The following DCLK1 variants were observed in gnomAD, a reference collection of about 807,000 sequenced individuals.
DCLK1 encodes doublecortin like kinase 1.
In DCLK1, 16 loss-of-function variants were observed where a neutral mutation model predicts 86.2. That is an observed-to-expected ratio of 0.19 (90% CI 0.13 to 0.28). The LOEUF (loss-of-function observed/expected upper bound fraction) is 0.28, where lower values mean the gene tolerates loss of function less well. DCLK1 is among the 10% of genes least tolerant of loss of function. DCLK1 has a pLI of 1.00. For missense variants in DCLK1, 590 were observed against 940.2 expected, an observed-to-expected ratio of 0.63 and a Z score of 4.87; for synonymous variants, 369 against 370.5, an observed-to-expected ratio of 1.00 and a Z score of 0.05.
intron 3 of DCLK1, among the ~76,000 whole-genome samples, chr13:35,984,916 C>T (rs1423961140): frequency 6.6e-6 from 1 of 152,014 alleles, no homozygotes; most frequent in Admixed American, 6.5e-5. Flanking sequence ...CACACACACA[C>T]ACACACACTT....
chr13:36,025,076 T>G (rs1176240106), intron 3 of DCLK1, among the ~76,000 whole-genome samples: 1 of 151,900 alleles, frequency 6.6e-6, no homozygotes, highest in Non-Finnish European at 1.5e-5. Context: ...CAAGTGATTC[T>G]CCTGCCTCAG....
intron 4 of DCLK1, among the ~76,000 whole-genome samples, chr13:35,934,179 C>T (rs1307878273): frequency 2.6e-5 from 4 of 152,150 alleles, no homozygotes; most frequent in African/African-American, 9.7e-5. Flanking sequence ...TCAGCCTGGA[C>T]GTTATTGTCC....
intron 3 of DCLK1, among the ~76,000 whole-genome samples, chr13:35,971,716 T>C (rs1385867710): frequency 2.6e-5 from 4 of 151,930 alleles, no homozygotes; most frequent in Admixed American, 6.6e-5. Flanking sequence ...TGAGCCAAGA[T>C]TGTGCCACTG....
At chr13:35,863,225 C>T (rs562751303) in intron 5 of DCLK1, among the ~76,000 whole-genome samples, 2 of 152,178 alleles carry the variant, frequency 1.3e-5, no homozygotes, top group Admixed American at 1.3e-4. Flanking sequence ...TGGAACACAT[C>T]CCCATCATCA....
intron 3 of DCLK1, among the ~76,000 whole-genome samples, chr13:36,081,629 T>C (rs925707114): frequency 2.0e-5 from 3 of 152,158 alleles, no homozygotes; most frequent in African/African-American, 7.2e-5. Context: ...CTGTGTCACG[T>C]AGAAAGGACT....
intron 4 of DCLK1, among the ~76,000 whole-genome samples, chr13:35,919,111 C>G (rs919150575): frequency 1.3e-5 from 2 of 151,974 alleles, no homozygotes; most frequent in East Asian, 1.9e-4. Context: ...AGGCTGGTCT[C>G]GAACTCCTGA....
At chr13:36,055,484 T>A (rs1175049790) in intron 3 of DCLK1, among the ~76,000 whole-genome samples, 2 of 152,220 alleles carry the variant, frequency 1.3e-5, no homozygotes, top group African/African-American at 4.8e-5. Context: ...TCTCTCTTAC[T>A]AAATTTTCCA....
chr13:35,958,196 C>CACTATA (rs1313516194), intron 3 of DCLK1, among the ~76,000 whole-genome samples: 1 of 103,016 alleles, frequency 9.7e-6, no homozygotes, highest in Non-Finnish European at 1.8e-5. Flanking sequence ...CCACTACCAC[C>CACTATA]ACCACCATTA....
intron 3 of DCLK1, among the ~76,000 whole-genome samples, chr13:36,111,591 A>G (rs971816889): frequency 6.6e-6 from 1 of 152,234 alleles, no homozygotes; most frequent in African/African-American, 2.4e-5. Flanking sequence ...ATGACAGAAA[A>G]GAATCATTAT....
At chr13:36,014,989 T>C (rs1228556464) in intron 3 of DCLK1, among the ~76,000 whole-genome samples, 1 of 67,664 alleles carries the variant, frequency 1.5e-5, no homozygotes, top group Non-Finnish European at 2.7e-5. Context: ...TCTCTCTCCC[T>C]CTCTCTCTCT....
chr13:36,124,185 A>G (rs1886089403), intron 2 of DCLK1, among the ~76,000 whole-genome samples: 1 of 152,234 alleles, frequency 6.6e-6, no homozygotes, highest in African/African-American at 2.4e-5. Flanking sequence ...GACTTTGCGT[A>G]TAACTTTTAT....
intron 15 of DCLK1, among the ~76,000 whole-genome samples, chr13:35,802,012 C>T (rs1428801633): frequency 6.6e-6 from 1 of 152,174 alleles, no homozygotes; most frequent in African/African-American, 2.4e-5. Flanking sequence ...CTGGCACCTC[C>T]TTCTCTGGGC....
chr13:35,815,310 A>C (rs1053314383), intron 11 of DCLK1, among the ~76,000 whole-genome samples: 5 of 152,258 alleles, frequency 3.3e-5, no homozygotes, highest in African/African-American at 1.2e-4. Context: ...GCTGGTGGCC[A>C]TAAAATAATA....
chr13:36,111,339 C>T (rs935154453), intron 3 of DCLK1, among the ~76,000 whole-genome samples: 13 of 152,194 alleles, frequency 8.5e-5, no homozygotes, highest in South Asian at 2.1e-4. Context: ...ATACAAGATG[C>T]GTACTATTCT....
At chr13:35,918,890 G>GTTTT (rs532112697) in intron 4 of DCLK1, among the ~76,000 whole-genome samples, 1 of 14,228 alleles carries the variant, frequency 7.0e-5, no homozygotes, top group South Asian at 1.5e-3. Context: ...CCTTCTGAGT[G>GTTTT]TGTTTTTTTT....
At chr13:36,130,589 C>T (rs1035632451) in intron 1 of DCLK1, among the ~76,000 whole-genome samples, 3 of 152,148 alleles carry the variant, frequency 2.0e-5, no homozygotes, top group Non-Finnish European at 4.4e-5. Flanking sequence ...CCTGAAGGAA[C>T]TTGAGACCCT....
chr13:36,088,134 A>T (rs1028537772), intron 3 of DCLK1, among the ~76,000 whole-genome samples: 1 of 152,210 alleles, frequency 6.6e-6, no homozygotes, highest in Non-Finnish European at 1.5e-5. Flanking sequence ...CCTAGTGGTT[A>T]TGCAAAGGTT....
intron 16 of DCLK1, among the ~76,000 whole-genome samples, chr13:35,781,599 T>C (rs2086526850): frequency 6.6e-6 from 1 of 152,266 alleles, no homozygotes; most frequent in Non-Finnish European, 1.5e-5. Flanking sequence ...TTTAAGTAAC[T>C]GCATTTTTCA....
intron 4 of DCLK1, among the ~76,000 whole-genome samples, chr13:35,902,553 AG>A (rs1874432736): frequency 1.3e-5 from 2 of 152,188 alleles, no homozygotes; most frequent in Admixed American, 1.3e-4. Context: ...GAAAGAGAAA[AG>A]GGTAGGCATC....
Sources: allele counts gnomAD v4.1 joint callset (sites outside exome capture counted in the v4.1 genomes callset), GRCh38; gene constraint gnomAD v4.1.1; transcripts MANE v1.5; gene names NCBI Gene and HGNC (gene_info 2026-07-23, HGNC 2026-07-21).